The following DENND2D variants were observed in gnomAD, a reference collection of about 807,000 sequenced individuals.
DENND2D encodes the protein DENN domain-containing protein 2D.
Under a neutral mutation model 59.8 loss-of-function variants are expected in DENND2D, and 37 were observed. That is an observed-to-expected ratio of 0.62 (90% CI 0.48 to 0.81). The LOEUF (loss-of-function observed/expected upper bound fraction) is 0.81, where lower values mean the gene tolerates loss of function less well. Ranked by LOEUF, DENND2D falls within the 40% of genes least tolerant of loss-of-function variation. DENND2D has a pLI of 0.00. For missense variants in DENND2D, 525 were observed against 579.7 expected (o/e 0.91, Z 0.97); for synonymous variants, 219 against 211.3 (o/e 1.04, Z -0.31).
intron 4 of DENND2D, 137 bp from the exon 5 acceptor site, chr1:111,197,390 A>G: frequency 2.7e-6 from 4 of 1,471,284 alleles, no homozygotes; most frequent in Non-Finnish European, 2.7e-6. Flanking sequence ...GGAGGTCAGA[A>G]TGGCCACCAG....
In DENND2D at chr1:111,187,550, G is replaced by A; in HGVS notation, c.*55C>T. 3 of 1,491,878 alleles carry A rather than the reference G, an allele frequency of 2.0e-6. No individual in the cohort carries two copies. The highest frequency in any genetic ancestry group is 2.3e-5 in the South Asian group (2 of 88,020). 92.4% of individuals were successfully genotyped at this position (1,491,878 alleles called of 1,614,324 possible). On this transcript the variant is annotated 3_prime_UTR_variant, in exon 12 of 12. Transcript: ENST00000357640. ...TTTGCTGATCCTGCCACACTGGCAG[G>A]GGCTGAAGTCCAGAAATGGTGTGTA...
At chr1:111,197,064 G>T in intron 5 of DENND2D, 112 bp downstream of exon 5, 1 of 1,251,108 alleles carries the variant, frequency 8.0e-7, no homozygotes, top group South Asian at 1.3e-5. Context: ...GTGCTTTAAT[G>T]CTGACTCTGG....
chr1:111,204,357 C>G (rs1323886102), upstream of DENND2D: 10 of 1,440,790 alleles, frequency 6.9e-6, no homozygotes, highest in Non-Finnish European at 9.1e-6. Flanking sequence ...CATCCATGGC[C>G]CCTGGAGTGC....
chr1:111,190,298 A>G (rs149557260), intron 8 of DENND2D, among the ~76,000 whole-genome samples: 257 of 152,244 alleles, frequency 1.7e-3, no homozygotes, highest in Middle Eastern at 3.4e-3. Flanking sequence ...TACAGTCCTC[A>G]AGTGAGATAA....
At position 111,186,829 on chromosome 1, in the gene DENND2D, G is replaced by A. The variant is rs1657277906; in HGVS notation, c.*776C>T. Among the ~76,000 whole-genome samples the A allele has an allele frequency of 6.6e-6, 1 of 152,202 alleles. No individual in the cohort carries two copies. Among genetic ancestry groups the A allele is most frequent in the Non-Finnish European group, 1.5e-5 (1 of 68,030 alleles). On this transcript the variant is annotated 3_prime_UTR_variant, in exon 12 of 12. Transcript: ENST00000357640. ...CAGACCTACGTATGGAAGCCATGTA[G>A]TGTTCTTCACAGGCTGCTGTTGACT...
chr1:111,200,065 A>G lies in DENND2D; in HGVS notation c.68-267T>C. The G allele has an allele frequency of 1.2e-5, 7 of 583,002 alleles. No homozygotes were observed. In the South Asian group the frequency reaches 1.3e-4, roughly 11 times the overall value. 36.1% of individuals were successfully genotyped at this position (583,002 alleles called of 1,614,324 possible). ...CACGGAAATGTGCTGGAGAGGCCAC[A>G]TGGAGGCCAAGGCCCCAGGGTACCA... On this transcript the variant is annotated intron_variant, in intron 1 of 11. Coordinates refer to ENST00000357640, the MANE Select transcript of DENND2D (RefSeq NM_024901.5).
chr1:111,188,423 C>A, intron 10 of DENND2D, 53 bp from the exon 11 acceptor site: 1 of 1,592,400 alleles, frequency 6.3e-7, no homozygotes, highest in Non-Finnish European at 8.6e-7. Flanking sequence ...TGAAATTACC[C>A]AAACTCACCT....
At chr1:111,201,489 G>C (rs1253976605), upstream of DENND2D, 5 of 152,308 alleles carry the variant, frequency 3.3e-5, no homozygotes, top group Non-Finnish European at 7.3e-5. Flanking sequence ...CTTCCTCCGG[G>C]TCAGGCCAGG....
intron 7 of DENND2D, 28 bp from the exon 8 acceptor site, chr1:111,192,345 CAG>C (rs746063824): frequency 2.6e-6 from 4 of 1,536,906 alleles, no homozygotes; most frequent in Admixed American, 1.8e-5. Flanking sequence ...GGATGAGAGT[CAG>C]GGGGCCCCTG....
Position 111,197,920 on chromosome 1 carries a change from C to T in DENND2D, c.426G>A (p.Leu142=), listed in dbSNP as rs1270735111. 4 of 1,613,728 alleles carry T rather than the reference C, an allele frequency of 2.5e-6. No homozygotes were observed. The highest frequency in any genetic ancestry group is 8.5e-7 in the Non-Finnish European group (1 of 1,180,022). ...SRKIGYCRRL[L]PAGPGPRLPK... ...AGGGGCAGTTCTGAGCTGCACAGAC[C>T]AAGAGGCGCCTGCAGTATCCAATCT... Residue 142 remains leucine (L), a splice_region_variant and synonymous_variant, in exon 4 of 12, where the codon TTG becomes TTA. Transcript: ENST00000357640.
chr1:111,197,457 C>T (rs1658353175), intron 4 of DENND2D: 5 of 1,428,156 alleles, frequency 3.5e-6, no homozygotes, highest in Non-Finnish European at 4.6e-6. Context: ...AGCGCTGCCA[C>T]CTTCAGTGCC....
intron 9 of DENND2D, 91 bp downstream of exon 9, chr1:111,189,121 T>G (rs1265802146): frequency 3.4e-6 from 5 of 1,453,262 alleles, no homozygotes; most frequent in Non-Finnish European, 4.8e-6. Context: ...ACAAAGAACT[T>G]AAATGTTTGT....
chr1:111,200,269 C>T, intron 1 of DENND2D, 124 bp downstream of exon 1: 1 of 1,357,830 alleles, frequency 7.4e-7, no homozygotes, highest in Non-Finnish European at 1.0e-6. Context: ...CTGACCCAGT[C>T]ACATGGGGAA....
chr1:111,202,456 A>T (rs1023574114), upstream of DENND2D: 1 of 152,184 alleles, frequency 6.6e-6, no homozygotes, highest in African/African-American at 2.4e-5. Flanking sequence ...CTAGAAAGGA[A>T]TTATTATTCA....
At chr1:111,196,247 G>T (rs1384009828) in intron 5 of DENND2D, 191 bp from the exon 6 acceptor site, 2 of 575,876 alleles carry the variant, frequency 3.5e-6, no homozygotes, top group Non-Finnish European at 5.7e-6. Context: ...TAAATAATCT[G>T]CAGTTTATCT....
At chr1:111,202,373 A>G (rs897860223), upstream of DENND2D, 1 of 152,230 alleles carries the variant, frequency 6.6e-6, no homozygotes, top group African/African-American at 2.4e-5. Context: ...CACAGGAGAG[A>G]AAAGCGTAAG....
At chr1:111,203,682 C>T (rs1404739905), upstream of DENND2D, among the ~76,000 whole-genome samples, 3 of 152,226 alleles carry the variant, frequency 2.0e-5, no homozygotes, top group African/African-American at 7.2e-5. Flanking sequence ...GAAGGGGTGC[C>T]CTGTCTGGGC....
Position 111,189,221 on chromosome 1 carries a change from G to A in DENND2D, c.1005C>T (p.Phe335=), listed in dbSNP as rs1284324281. 1.2e-6 allele frequency: 2 copies of A among 1,614,196 alleles called. No individual in the cohort carries two copies. Among genetic ancestry groups the A allele is most frequent in the East Asian group, 4.5e-5 (2 of 44,886 alleles). ...VLLVNLCEGT[F]LMSVGDEKDI... is the part of the protein sequence containing the mutation. ...GAACCCAGACACTTACCGACATTAAGAAGGTTCCTTCACAAAGATTGACCA... is the reference window on the plus strand; with the variant it reads ...GAACCCAGACACTTACCGACATTAAAAAGGTTCCTTCACAAAGATTGACCA... The change falls in exon 9 of 12, where the codon TTC becomes TTT. Residue 335 remains phenylalanine (F), a synonymous_variant. Coordinates refer to ENST00000357640, the MANE Select transcript of DENND2D (RefSeq NM_024901.5).
rs750775156 is a variant in DENND2D, at chr1:111,198,748, A to G, written c.244-6T>C. ...CCCCGAAGCAGGTTCTCCCGCTATA[A>G]GGCAAAGGAAAAGACAAGTGGATGT... On this transcript the variant is annotated splice_region_variant and splice_polypyrimidine_tract_variant and intron_variant, in intron 2 of 11. Coordinates refer to ENST00000357640, the MANE Select transcript of DENND2D (RefSeq NM_024901.5). 1 of 1,614,074 alleles carries G rather than the reference A, an allele frequency of 6.2e-7. No individual in the cohort carries two copies. The highest frequency in any genetic ancestry group is 1.1e-5 in the South Asian group (1 of 91,088).
Sources: allele counts gnomAD v4.1 joint callset (sites outside exome capture counted in the v4.1 genomes callset), GRCh38; gene constraint gnomAD v4.1.1; transcripts MANE v1.5; gene names NCBI Gene and HGNC (gene_info 2026-07-23, HGNC 2026-07-21).